The following CLIC2 variants were observed in gnomAD, a reference collection of about 807,000 sequenced individuals.
CLIC2 encodes chloride intracellular channel protein 2.
A neutral mutation model predicts 14.8 loss-of-function variants in CLIC2; 9 were observed. The observed-to-expected ratio is 0.61, with a 90% CI of 0.37 to 1.06. CLIC2 has a LOEUF of 1.06. CLIC2 is among the 50% of genes least tolerant of loss of function. CLIC2 has a pLI of 0.01. For synonymous variants in CLIC2, 61 were observed against 66.3 expected (o/e 0.92, Z 0.39); for missense variants, 148 against 181.4 (o/e 0.82, Z 1.06).
chrX:155,286,551 A>T (rs2074943693), intron 3 of CLIC2, among the ~76,000 whole-genome samples: 1 of 112,374 alleles, frequency 8.9e-6, no homozygotes, highest in Admixed American at 9.4e-5. Context: ...TTGAAGAATC[A>T]CTACACTATC....
chrX:155,279,319 A>G lies in CLIC2; in HGVS notation c.412T>C (p.Ser138Pro). The change falls in exon 5 of 6, where the codon TCT becomes CCT. Residue 138 changes from serine to proline, a missense_variant. By Grantham distance (74) the Ser-to-Pro change is moderately conservative. Coordinates refer to ENST00000369449, the MANE Select transcript of CLIC2 (RefSeq NM_001289.6). ...QKEANKNFEK[S>P]LLKEFKRLDD... ...AGACGCTTGAATTCTTTGAGCAGAG[A>G]TTTTTCAAAATCTGAGGCAATGAAG... 1 of 1,202,514 alleles carries G rather than the reference A, an allele frequency of 8.3e-7. No individual in the cohort carries two copies. Among genetic ancestry groups the G allele is most frequent in the Non-Finnish European group, 1.1e-6 (1 of 887,373 alleles).
At chrX:155,303,096 C>T (rs1205891576) in intron 1 of CLIC2, among the ~76,000 whole-genome samples, 3 of 96,476 alleles carry the variant, frequency 3.1e-5, no homozygotes, top group Non-Finnish European at 6.3e-5. Context: ...TCTATTAGGT[C>T]CCCTTGGTGC....
intron 1 of CLIC2, among the ~76,000 whole-genome samples, chrX:155,312,974 C>T (rs2124199943): frequency 9.1e-6 from 1 of 110,469 alleles, no homozygotes; most frequent in African/African-American, 3.3e-5. Context: ...AGTTCAACAC[C>T]CCTGATAATT....
intron 1 of CLIC2, 57 bp from the exon 2 acceptor site, chrX:155,299,202 G>C: frequency 1.1e-6 from 1 of 934,126 alleles, no homozygotes; most frequent in Non-Finnish European, 1.5e-6. Flanking sequence ...TATGTATTTA[G>C]TTCCTAATAG....
chrX:155,284,780 T>C (rs1041258925), intron 3 of CLIC2, among the ~76,000 whole-genome samples: 1 of 111,969 alleles, frequency 8.9e-6, no homozygotes, highest in South Asian at 3.7e-4. Context: ...TCACAGTTCA[T>C]TGAAAATAAG....
intron 1 of CLIC2, among the ~76,000 whole-genome samples, chrX:155,329,110 T>C (rs2075148096): frequency 9.0e-6 from 1 of 110,579 alleles, no homozygotes; most frequent in Admixed American, 9.6e-5. Flanking sequence ...ACGAATGGGA[T>C]CACATCAAGT....
chrX:155,302,494 C>T (rs1251305054), intron 1 of CLIC2, among the ~76,000 whole-genome samples: 3 of 101,549 alleles, frequency 3.0e-5, no homozygotes, highest in Admixed American at 1.1e-4. Flanking sequence ...GTCTTGCTAG[C>T]GGTCTATCAA....
At chrX:155,309,143 A>G (rs1249196699) in intron 1 of CLIC2, among the ~76,000 whole-genome samples, 1 of 111,497 alleles carries the variant, frequency 9.0e-6, no homozygotes, top group Non-Finnish European at 1.9e-5. Context: ...TGTCTCTACT[A>G]AAAATATAAA....
intron 1 of CLIC2, among the ~76,000 whole-genome samples, chrX:155,328,480 T>C (rs1419001531): frequency 1.8e-5 from 2 of 110,874 alleles, no homozygotes; most frequent in African/African-American, 6.5e-5. Context: ...CTATAAAACA[T>C]TGATACAAGA....
intron 3 of CLIC2, among the ~76,000 whole-genome samples, chrX:155,283,682 G>A (rs1244912427): frequency 9.2e-6 from 1 of 108,700 alleles, no homozygotes; most frequent in Admixed American, 9.8e-5. Flanking sequence ...ATACTTTCTT[G>A]TTTCCTCACA....
At chrX:155,290,828 C>T (rs2074961767) in intron 3 of CLIC2, 7 of 633,877 alleles carry the variant, frequency 1.1e-5, no homozygotes, top group East Asian at 3.2e-5. Flanking sequence ...AAAAGCTTCT[C>T]GAGAAATAGG....
Position 155,279,846 on chromosome X carries a change from A to AG in CLIC2, c.400+115dup, listed in dbSNP as rs2074912244. 2.8e-5 allele frequency: 14 copies of AG among 507,616 alleles called. No individual in the cohort carries two copies. In the South Asian group the frequency reaches 3.9e-4, roughly 14 times the overall value. The allele number at this position is 507,616 out of a possible 1,213,427, so 41.8% of individuals were successfully genotyped here. A position where few individuals can be genotyped will look rare whatever the true frequency, so the allele number is the denominator to read the frequency against. ...ATTTCAGAGGAGAGTATAGAGAATG[A>AG]GGGGAAGACTAGGCCAGTCCCCAAA... On this transcript the variant is annotated intron_variant, in intron 4 of 5. Coordinates refer to ENST00000369449, the MANE Select transcript of CLIC2 (RefSeq NM_001289.6).
In CLIC2 at chrX:155,300,991, T is replaced by C. The variant is rs1388833446; in HGVS notation, c.58-1846A>G. On this transcript the variant is annotated intron_variant, in intron 1 of 5. Transcript: ENST00000369449. ...TTTTGGTTACTGTAGCCTTGTAGTA[T>C]AGTTTGAAGTCAGGTAGTGTGATGC... is the stretch of plus-strand genomic sequence containing the variant. Among the ~76,000 whole-genome samples the C allele has an allele frequency of 6.3e-4, 35 of 55,687 alleles. 1 individual carries two copies. Among genetic ancestry groups the C allele is most frequent in the African/African-American group, 1.5e-3 (32 of 22,002 alleles). 48.4% of individuals were successfully genotyped at this position (55,687 alleles called of 115,157 possible).
In CLIC2 at chrX:155,277,806, A is replaced by G; in HGVS notation, c.*97T>C. The G allele has an allele frequency of 1.4e-6, 1 of 727,282 alleles. No homozygotes were observed. The highest frequency in any genetic ancestry group is 2.2e-5 in the South Asian group (1 of 44,505). The allele number at this position is 727,282 out of a possible 1,213,427, so 59.9% of individuals were successfully genotyped here. A position where few individuals can be genotyped will look rare whatever the true frequency, so the allele number is the denominator to read the frequency against. On this transcript the variant is annotated 3_prime_UTR_variant, in exon 6 of 6. Transcript: ENST00000369449. ...TTCATAAGAGAGTTGGATAGAAGAA[A>G]CAGTATTTTTCATATTCTTATTTGC... is the stretch of plus-strand genomic sequence containing the variant.
intron 1 of CLIC2, among the ~76,000 whole-genome samples, chrX:155,334,051 GA>G (rs1246688086): frequency 1.5e-4 from 16 of 110,317 alleles, no homozygotes; most frequent in Non-Finnish European, 2.3e-4. Context: ...TATAGATGGA[GA>G]AAAAAAAGTC....
At chrX:155,281,925 A>C (rs2074921127) in intron 3 of CLIC2, among the ~76,000 whole-genome samples, 1 of 111,012 alleles carries the variant, frequency 9.0e-6, no homozygotes, top group South Asian at 3.9e-4. Context: ...TCTATTAACC[A>C]CCCAGAAGCC....
At chrX:155,325,764 A>AT (rs2075134439) in intron 1 of CLIC2, among the ~76,000 whole-genome samples, 1 of 5,680 alleles carries the variant, frequency 1.8e-4, no homozygotes, top group African/African-American at 1.7e-3. Context: ...AAAATGTGAT[A>AT]TATATATATA....
chrX:155,303,392 A>AGG (rs2075029226), intron 1 of CLIC2, among the ~76,000 whole-genome samples: 2 of 72,102 alleles, frequency 2.8e-5, no homozygotes, highest in Non-Finnish European at 5.4e-5. Flanking sequence ...ATCAGAGACT[A>AGG]GGATTGCAAC....
At chrX:155,312,661 T>C (rs1190103997) in intron 1 of CLIC2, among the ~76,000 whole-genome samples, 1 of 112,106 alleles carries the variant, frequency 8.9e-6, no homozygotes, top group Non-Finnish European at 1.9e-5. Flanking sequence ...CTTTTTGTGA[T>C]TCCATATGAA....
Sources: gnomAD v4.1 joint callset for allele counts (sites outside exome capture counted in the v4.1 genomes callset) on GRCh38, gnomAD v4.1.1 for gene constraint, MANE v1.5 for transcripts, NCBI Gene and HGNC (gene_info 2026-07-23, HGNC 2026-07-21) for gene names.